LRRC4C: variants seen among roughly 807,000 people sequenced by gnomAD.
The protein encoded by LRRC4C is leucine-rich repeat-containing protein 4C.
LRRC4C carries 5 observed loss-of-function variants against 33.6 expected under a neutral mutation model. The observed-to-expected ratio is 0.15, with a 90% confidence interval of 0.08 to 0.31. The LOEUF (loss-of-function observed/expected upper bound fraction) is 0.31. Among genes scored for constraint, LRRC4C ranks in the 10% least tolerant of loss-of-function variants. The probability of loss-of-function intolerance (pLI) is 1.00; values close to 1 mark genes in which losing one functional copy is unlikely to be tolerated. For synonymous variants in LRRC4C, 329 were observed against 302.0 expected, an observed-to-expected ratio of 1.09 and a Z score of -0.93; for missense variants, 560 against 796.7, an observed-to-expected ratio of 0.70 and a Z score of 3.58.
At chr11:41,316,401 A>AT (rs1383019038) in intron 1 of LRRC4C, among the ~76,000 whole-genome samples, 2 of 152,188 alleles carry the variant, frequency 1.3e-5, no homozygotes, top group Non-Finnish European at 2.9e-5. Context: ...GGGCATTCAC[A>AT]TTTTTTCCAC....
intron 1 of LRRC4C, among the ~76,000 whole-genome samples, chr11:41,400,606 AT>A (rs2138099720): frequency 6.6e-6 from 1 of 151,900 alleles, no homozygotes; most frequent in East Asian, 1.9e-4. Context: ...TGCTAATGGG[AT>A]CAAAATGCCA....
At position 40,345,664 on chromosome 11, in the gene LRRC4C, A is replaced by G. The variant is rs531626145; in HGVS notation, c.-269-25943T>C. Reference sequence around the variant, plus strand: ...GCAAAAATTTCATGATGAGGATGCCAAAAGCAATTGCAACACAACCAAAAA... The same window carrying G: ...GCAAAAATTTCATGATGAGGATGCCGAAAGCAATTGCAACACAACCAAAAA... On this transcript the variant is annotated intron_variant, in intron 3 of 6. Transcript: ENST00000528697. Among the ~76,000 whole-genome samples, 3 of 152,338 alleles carry G rather than the reference A, an allele frequency of 2.0e-5. 1 individual carries two copies. The South Asian group carries it at 6.2e-4, about 32-fold the overall frequency.
intron 1 of LRRC4C, among the ~76,000 whole-genome samples, chr11:41,134,153 G>A (rs1428329546): frequency 6.6e-6 from 1 of 152,102 alleles, no homozygotes; most frequent in Non-Finnish European, 1.5e-5. Context: ...ACTGAAGGCT[G>A]TGGTACAATC....
intron 2 of LRRC4C, among the ~76,000 whole-genome samples, chr11:40,771,061 G>C (rs1379949882): frequency 6.6e-6 from 1 of 152,134 alleles, no homozygotes; most frequent in African/African-American, 2.4e-5. Context: ...ACTCAGTGTG[G>C]GGACTCTGAA....
chr11:40,950,160 A>G (rs898555612), intron 1 of LRRC4C, among the ~76,000 whole-genome samples: 1 of 151,990 alleles, frequency 6.6e-6, no homozygotes, highest in South Asian at 2.1e-4. Flanking sequence ...TCAGAATCAT[A>G]AGAGCACTGA....
intron 1 of LRRC4C, among the ~76,000 whole-genome samples, chr11:41,003,842 A>G (rs1854551253): frequency 6.6e-6 from 1 of 152,046 alleles, no homozygotes; most frequent in Admixed American, 6.6e-5. Context: ...GGTACCTTAC[A>G]TCAGGGTGTT....
intron 1 of LRRC4C, among the ~76,000 whole-genome samples, chr11:40,944,119 T>C: frequency 6.6e-6 from 1 of 152,206 alleles, no homozygotes; most frequent in African/African-American, 2.4e-5. Context: ...AGAAAATGAT[T>C]TTCAAAAACA....
rs371080954 is a variant in LRRC4C, at chr11:40,457,366, A to T, written c.-269-137645T>A. 3.3e-4 allele frequency among the ~76,000 whole-genome samples: 51 copies of T among 152,274 alleles called. No homozygotes were observed. The South Asian group carries it at 0.01, about 31-fold the overall frequency. On this transcript the variant is annotated intron_variant, in intron 3 of 6. Transcript: ENST00000528697. ...AAAAAAGGTTTTAATTGTATGATGA[A>T]GGTGTATGTATCTATTAAAAAGAAA... is the stretch of plus-strand genomic sequence containing the variant.
At chr11:41,269,183 C>T (rs1949243121) in intron 1 of LRRC4C, among the ~76,000 whole-genome samples, 2 of 152,182 alleles carry the variant, frequency 1.3e-5, no homozygotes, top group South Asian at 2.1e-4. Context: ...GACCATGATG[C>T]TGGGTTTTTA....
chr11:40,814,731 G>A (rs1951636557), intron 2 of LRRC4C, among the ~76,000 whole-genome samples: 1 of 151,552 alleles, frequency 6.6e-6, no homozygotes. Flanking sequence ...TCTCTCTCAA[G>A]CTCAAAGTTT....
chr11:40,475,607 A>G (rs888060750), intron 3 of LRRC4C, among the ~76,000 whole-genome samples: 6 of 152,136 alleles, frequency 3.9e-5, no homozygotes, highest in African/African-American at 1.4e-4. Flanking sequence ...AATAATAATA[A>G]TAAAAATCCA....
chr11:40,246,086 G>A (rs1050549446), intron 4 of LRRC4C, among the ~76,000 whole-genome samples: 1 of 150,206 alleles, frequency 6.7e-6, no homozygotes, highest in African/African-American at 2.5e-5. Flanking sequence ...TGATTTTCCT[G>A]CCTCAGCCTC....
At chr11:40,599,676 G>A (rs1220964776) in intron 3 of LRRC4C, among the ~76,000 whole-genome samples, 1 of 152,162 alleles carries the variant, frequency 6.6e-6, no homozygotes, top group Non-Finnish European at 1.5e-5. Context: ...TGATGTCTAG[G>A]AAGATACCTG....
At chr11:40,983,892 G>T (rs1183020923) in intron 1 of LRRC4C, among the ~76,000 whole-genome samples, 1 of 152,082 alleles carries the variant, frequency 6.6e-6, no homozygotes, top group Non-Finnish European at 1.5e-5. Flanking sequence ...CAATGTTGTA[G>T]TCATTAGTCA....
chr11:41,158,352 A>C (rs542937566), intron 1 of LRRC4C, among the ~76,000 whole-genome samples: 1 of 152,232 alleles, frequency 6.6e-6, no homozygotes, highest in South Asian at 2.1e-4. Flanking sequence ...TCTGAAAAGT[A>C]ATCATTAGAT....
At chr11:41,278,235 A>G (rs1195390570) in intron 1 of LRRC4C, among the ~76,000 whole-genome samples, 2 of 152,206 alleles carry the variant, frequency 1.3e-5, no homozygotes, top group African/African-American at 2.4e-5. Context: ...GCATTTGTCA[A>G]TTAGTTAGAT....
intron 2 of LRRC4C, among the ~76,000 whole-genome samples, chr11:40,688,926 C>A (rs1021484413): frequency 1.3e-5 from 2 of 151,960 alleles, no homozygotes; most frequent in Admixed American, 6.6e-5. Flanking sequence ...TGTACTTCAC[C>A]GAGGTGTAAA....
chr11:41,316,193 A>G (rs577897833), intron 1 of LRRC4C, among the ~76,000 whole-genome samples: 37 of 143,662 alleles, frequency 2.6e-4, no homozygotes, highest in African/African-American at 9.1e-4. Context: ...TTTCTCTATA[A>G]CTGGGGGTGA....
chr11:41,436,978 T>C (rs1955449276), intron 1 of LRRC4C, among the ~76,000 whole-genome samples: 1 of 152,176 alleles, frequency 6.6e-6, no homozygotes, highest in Non-Finnish European at 1.5e-5. Flanking sequence ...AAGGAACAGA[T>C]GAAAAAACCA....
Sources: gnomAD v4.1 joint callset for allele counts (sites outside exome capture counted in the v4.1 genomes callset) on GRCh38, gnomAD v4.1.1 for gene constraint, MANE v1.5 for transcripts, NCBI Gene and HGNC (gene_info 2026-07-23, HGNC 2026-07-21) for gene names.